Variants in MRPL37 observed in about 807,000 individuals in gnomAD.
The protein encoded by MRPL37 is large ribosomal subunit protein mL37.
A neutral mutation model predicts 44.1 loss-of-function variants in MRPL37; 34 were observed. That is an observed-to-expected ratio of 0.77 (90% CI 0.59 to 1.03). The LOEUF (loss-of-function observed/expected upper bound fraction) is 1.03, where lower values mean the gene tolerates loss of function less well. MRPL37 is among the 50% of genes least tolerant of loss of function. The pLI is 0.00. For synonymous variants in MRPL37, 212 were observed against 219.5 expected (o/e 0.97, Z 0.30); for missense variants, 532 against 543.7 (o/e 0.98, Z 0.21).
chr1:54,220,555 G>A, downstream of MRPL37: 1 of 438,660 alleles, frequency 2.3e-6, no homozygotes, highest in Non-Finnish European at 4.8e-6. Flanking sequence ...GAGACCACAT[G>A]ATGCAGTGTG....
chr1:54,202,889 G>A (rs17110087), intron 1 of MRPL37, among the ~76,000 whole-genome samples: 2,409 of 152,300 alleles, frequency 0.016, 50 homozygotes, highest in East Asian at 0.069. Flanking sequence ...GCAGCCTTCT[G>A]TTAATTTTTG....
At chr1:54,215,911 TAGA>T (rs1644193682) in intron 5 of MRPL37, among the ~76,000 whole-genome samples, 1 of 152,122 alleles carries the variant, frequency 6.6e-6, no homozygotes, top group Non-Finnish European at 1.5e-5. Context: ...TGTGCTCAAA[TAGA>T]AGAGCAGGCA....
downstream of MRPL37, chr1:54,220,561 G>C: frequency 2.2e-6 from 1 of 446,932 alleles, no homozygotes; most frequent in Non-Finnish European, 4.7e-6. Flanking sequence ...ACATGATGCA[G>C]TGTGAAGAGC....
chr1:54,222,357 G>A (rs1308462007), downstream of MRPL37, among the ~76,000 whole-genome samples: 2 of 148,058 alleles, frequency 1.4e-5, no homozygotes, highest in South Asian at 4.2e-4. Flanking sequence ...CAAAGGCCCT[G>A]GGGGGGCAGA....
chr1:54,225,367 A>T, downstream of MRPL37: 3 of 1,234,108 alleles, frequency 2.4e-6, no homozygotes, highest in Non-Finnish European at 3.0e-6. Context: ...CCAAGAAGTC[A>T]CCTTGCATTT....
intron 4 of MRPL37, among the ~76,000 whole-genome samples, chr1:54,211,032 T>C (rs761405473): frequency 4.6e-5 from 7 of 152,162 alleles, no homozygotes; most frequent in Non-Finnish European, 1.0e-4. Context: ...TGTGCTAAAT[T>C]CATCATGCCC....
intron 6 of MRPL37, 138 bp from the exon 7 acceptor site, chr1:54,218,031 CCTT>C: frequency 2.5e-6 from 2 of 810,054 alleles, no homozygotes; most frequent in East Asian, 2.4e-5. Context: ...CCTCAATGCC[CCTT>C]CTTAGTCCGA....
downstream of MRPL37, among the ~76,000 whole-genome samples, chr1:54,222,613 G>A (rs1222306450): frequency 1.3e-5 from 2 of 152,090 alleles, no homozygotes; most frequent in Non-Finnish European, 2.9e-5. Context: ...TCACTGCTCT[G>A]TCGCCTTTGT....
chr1:54,214,730 A>C (rs1195295640), intron 5 of MRPL37, among the ~76,000 whole-genome samples: 1 of 152,154 alleles, frequency 6.6e-6, no homozygotes, highest in African/African-American at 2.4e-5. Flanking sequence ...TCCAGGCACA[A>C]ATTATTCCTG....
At position 54,200,568 on chromosome 1, in the gene MRPL37, C is replaced by T; in HGVS notation, c.325C>T (p.His109Tyr). The T allele has an allele frequency of 6.2e-7, 1 of 1,600,106 alleles. No homozygotes were observed. Among genetic ancestry groups the T allele is most frequent in the Non-Finnish European group, 8.6e-7 (1 of 1,169,202 alleles). ...YKDQACYIFH[H>Y]RCRLLEGVKQ... ...AGACCAGGCCTGCTATATCTTTCAC[C>T]ACCGTTGCCGCCTTCTCGAGGGTGA... Residue 109 changes from histidine (H) to tyrosine (Y), a missense_variant, in exon 1 of 7, where the codon CAC (histidine) becomes TAC (tyrosine). Physicochemically the swap from His to Tyr is moderately conservative, Grantham distance 83. Transcript: ENST00000360840.
At position 54,212,512 on chromosome 1, in the gene MRPL37, G is replaced by A; in HGVS notation, c.844G>A (p.Gly282Ser). The A allele has an allele frequency of 1.9e-6, 3 of 1,614,106 alleles. No individual in the cohort carries two copies. Among genetic ancestry groups the A allele is most frequent in the Non-Finnish European group, 2.5e-6 (3 of 1,179,996 alleles). The change falls in exon 5 of 7, where the codon GGC (glycine) becomes AGC (serine). Residue 282 changes from glycine (G) to serine (S), a missense_variant. Gly to Ser is a moderately conservative substitution (Grantham distance 56). Coordinates refer to ENST00000360840, the MANE Select transcript of MRPL37 (RefSeq NM_016491.4). ...TGTGTCTCTTGCAGGATTCCAGGAAGGCTATCCTTACCCCTATCCCCATAC... is the reference window on the plus strand; with the variant it reads ...TGTGTCTCTTGCAGGATTCCAGGAAAGCTATCCTTACCCCTATCCCCATAC... ...DVKNDTGFQE[G>S]YPYPYPHTLY...
intron 6 of MRPL37, among the ~76,000 whole-genome samples, chr1:54,217,167 CTG>C (rs532221964): frequency 5.3e-5 from 8 of 152,198 alleles, no homozygotes; most frequent in Non-Finnish European, 1.0e-4. Flanking sequence ...CCACACAGGC[CTG>C]AGTGTGGGCT....
downstream of MRPL37, chr1:54,218,513 A>G: frequency 1.3e-6 from 1 of 766,668 alleles, no homozygotes; most frequent in Non-Finnish European, 1.9e-6. Flanking sequence ...AAGGATCTTC[A>G]TCTGTCTCTT....
chr1:54,211,131 C>G (rs1644161781), intron 4 of MRPL37, among the ~76,000 whole-genome samples: 1 of 152,146 alleles, frequency 6.6e-6, no homozygotes. Flanking sequence ...GCTAACTTGT[C>G]ATCTTTCACA....
downstream of MRPL37, chr1:54,225,016 C>A (rs1557430069): frequency 8.9e-7 from 1 of 1,121,900 alleles, no homozygotes; most frequent in East Asian, 3.2e-5. Flanking sequence ...TGGGGTGAAG[C>A]CAGTCCCACC....
chr1:54,218,860 C>A (rs1410884989), downstream of MRPL37, among the ~76,000 whole-genome samples: 2 of 152,260 alleles, frequency 1.3e-5, no homozygotes, highest in African/African-American at 2.4e-5. Flanking sequence ...ACACCCCTTA[C>A]AAGGTAAATG....
intron 5 of MRPL37, among the ~76,000 whole-genome samples, chr1:54,215,379 T>C (rs1215619150): frequency 6.6e-6 from 1 of 152,212 alleles, no homozygotes; most frequent in Non-Finnish European, 1.5e-5. Context: ...GCAAGATGCC[T>C]GGCACCTGAG....
chr1:54,225,014 A>G, downstream of MRPL37: 1 of 1,089,190 alleles, frequency 9.2e-7, no homozygotes, highest in South Asian at 4.8e-5. Context: ...CCTGGGGTGA[A>G]GCCAGTCCCA....
At chr1:54,208,548 CAAAA>C (rs57185627) in intron 3 of MRPL37, among the ~76,000 whole-genome samples, 2 of 70,956 alleles carry the variant, frequency 2.8e-5, no homozygotes, top group South Asian at 6.8e-4. Context: ...GACTCCGTCT[CAAAA>C]AAAAAAAAAA....
Sources: gnomAD v4.1 joint callset for allele counts (sites outside exome capture counted in the v4.1 genomes callset) on GRCh38, gnomAD v4.1.1 for gene constraint, MANE v1.5 for transcripts, NCBI Gene and HGNC (gene_info 2026-07-23, HGNC 2026-07-21) for gene names.